PSMB7: variants seen among roughly 807,000 people sequenced by gnomAD.
PSMB7 encodes the protein proteasome subunit beta type-7.
In PSMB7, 5 loss-of-function variants were observed where a neutral mutation model predicts 28.1. That is an observed-to-expected ratio of 0.18 (90% CI 0.09 to 0.37). The LOEUF (loss-of-function observed/expected upper bound fraction) is 0.37, where lower values mean the gene tolerates loss of function less well. PSMB7 is among the 10% of genes least tolerant of loss of function. The probability of loss-of-function intolerance (pLI) is 1.00; values close to 1 mark genes in which losing one functional copy is unlikely to be tolerated. For synonymous variants in PSMB7, 122 were observed against 123.7 expected (o/e 0.99, Z 0.09); for missense variants, 275 against 346.2 (o/e 0.79, Z 1.63).
At chr9:124,380,728 T>C (rs1178590266) in intron 6 of PSMB7, among the ~76,000 whole-genome samples, 1 of 152,114 alleles carries the variant, frequency 6.6e-6, no homozygotes, top group Admixed American at 6.5e-5. Context: ...TTCATTTGAG[T>C]GCCAAAACCC....
At chr9:124,389,554 C>A (rs1239307224) in intron 5 of PSMB7, among the ~76,000 whole-genome samples, 1 of 152,196 alleles carries the variant, frequency 6.6e-6, no homozygotes, top group African/African-American at 2.4e-5. Context: ...CACCTACACA[C>A]CCTGTTCAAC....
At chr9:124,358,222 C>G (rs1830433095) in intron 6 of PSMB7, among the ~76,000 whole-genome samples, 1 of 152,204 alleles carries the variant, frequency 6.6e-6, no homozygotes, top group South Asian at 2.1e-4. Context: ...TTCAGAAGAT[C>G]TGAACCCACT....
At chr9:124,405,200 G>C in intron 5 of PSMB7, 117 bp downstream of exon 5, 1 of 679,278 alleles carries the variant, frequency 1.5e-6, no homozygotes, top group Non-Finnish European at 2.5e-6. Context: ...TATATTTGCT[G>C]AATGAATCAA....
chr9:124,398,821 G>A (rs1313257745), intron 5 of PSMB7, among the ~76,000 whole-genome samples: 3 of 152,118 alleles, frequency 2.0e-5, no homozygotes, highest in Admixed American at 2.0e-4. Flanking sequence ...TGTCACTTAT[G>A]GGGCTGAGTG....
chr9:124,381,978 A>G (rs2416923), intron 6 of PSMB7, among the ~76,000 whole-genome samples: 149,213 of 151,970 alleles, frequency 0.98, 73,308 homozygotes, highest in East Asian at 1. Flanking sequence ...AGTGATTTTC[A>G]GCCGGGCATG....
chr9:124,387,182 T>C (rs1354354564), intron 5 of PSMB7, among the ~76,000 whole-genome samples: 3 of 151,300 alleles, frequency 2.0e-5, no homozygotes, highest in African/African-American at 4.9e-5. Context: ...GGAGGCAGAG[T>C]TTGCAGTGAG....
At chr9:124,395,443 T>TA in intron 5 of PSMB7, among the ~76,000 whole-genome samples, 1 of 152,096 alleles carries the variant, frequency 6.6e-6, no homozygotes, top group Non-Finnish European at 1.5e-5. Context: ...CAATGAGCTA[T>TA]AATCACACCA....
chr9:124,366,249 C>T (rs943818314), intron 6 of PSMB7, among the ~76,000 whole-genome samples: 3 of 152,118 alleles, frequency 2.0e-5, no homozygotes, highest in African/African-American at 7.2e-5. Flanking sequence ...CCCATCTCTA[C>T]TAAAAATACA....
At chr9:124,412,219 A>G (rs1831035000) in intron 4 of PSMB7, 133 bp downstream of exon 4, 4 of 982,296 alleles carry the variant, frequency 4.1e-6, no homozygotes, top group South Asian at 3.4e-5. Context: ...GCTCTTTAAT[A>G]TAACAACTGA....
At chr9:124,391,806 C>T (rs1397539999) in intron 5 of PSMB7, among the ~76,000 whole-genome samples, 1 of 151,974 alleles carries the variant, frequency 6.6e-6, no homozygotes, top group Non-Finnish European at 1.5e-5. Flanking sequence ...CTAGATATTG[C>T]TTTTACTTGT....
chr9:124,414,634 G>GA (rs1344864222), intron 2 of PSMB7, among the ~76,000 whole-genome samples: 1 of 148,788 alleles, frequency 6.7e-6, no homozygotes, highest in Non-Finnish European at 1.5e-5. Flanking sequence ...AAGAAAGAAA[G>GA]AAAAAACCTC....
At chr9:124,406,874 T>C (rs1830971315) in intron 4 of PSMB7, among the ~76,000 whole-genome samples, 1 of 151,946 alleles carries the variant, frequency 6.6e-6, no homozygotes, top group South Asian at 2.1e-4. Flanking sequence ...ATGTTACTCC[T>C]AACGTGGGAG....
Position 124,358,660 on chromosome 9 carries a change from G to A in PSMB7, c.571-1745C>T, listed in dbSNP as rs182372766. ...AGCAAACACAACCTCATACCTAACCGCTTCCCTTTAAATGGCCTTCGGTGT... is the reference window on the plus strand; with the variant it reads ...AGCAAACACAACCTCATACCTAACCACTTCCCTTTAAATGGCCTTCGGTGT... On this transcript the variant is annotated intron_variant, in intron 6 of 7. Transcript: ENST00000259457. Among the ~76,000 whole-genome samples the A allele has an allele frequency of 1.4e-3, 214 of 152,300 alleles. 2 individuals are homozygous for A. Among genetic ancestry groups the A allele is most frequent in the Middle Eastern group, 6.8e-3 (2 of 294 alleles).
intron 6 of PSMB7, among the ~76,000 whole-genome samples, chr9:124,358,443 T>C (rs1339113506): frequency 6.6e-6 from 1 of 152,210 alleles, no homozygotes; most frequent in African/African-American, 2.4e-5. Flanking sequence ...TCTTCTTTTG[T>C]ACATATGCAG....
At chr9:124,411,111 G>T (rs1831023573) in intron 4 of PSMB7, among the ~76,000 whole-genome samples, 1 of 152,078 alleles carries the variant, frequency 6.6e-6, no homozygotes, top group Non-Finnish European at 1.5e-5. Context: ...AAGTAGCTGG[G>T]ATTACAGGCA....
rs1830411025 is a variant in PSMB7, at chr9:124,356,684, CTCCA to C, written c.722+76_722+79del. ...CTTAATGTGGAAAGAACCAGGAAAA[CTCCA>C]TCCAGATGCCATGGAGATACCAAGG... is the stretch of plus-strand genomic sequence containing the variant. On this transcript the variant is annotated intron_variant, in intron 7 of 7. Coordinates refer to ENST00000259457, the MANE Select transcript of PSMB7 (RefSeq NM_002799.4). The surrounding 1 kb of genome is among the most constrained non-coding windows in gnomAD (Gnocchi z 4.4). 6.8e-7 allele frequency: 1 copy of C among 1,467,578 alleles called. No homozygotes were observed. The highest frequency in any genetic ancestry group is 9.3e-7 in the Non-Finnish European group (1 of 1,076,866). 90.9% of individuals were successfully genotyped at this position (1,467,578 alleles called of 1,614,324 possible).
rs898030814 is a variant in PSMB7, at chr9:124,380,082, T to A, written c.570+4516A>T. Among the ~76,000 whole-genome samples the A allele has an allele frequency of 3.9e-5, 6 of 152,148 alleles. No individual in the cohort carries two copies. The South Asian group carries it at 1.2e-3, about 32-fold the overall frequency. Reference sequence around the variant, plus strand: ...AGTGCAGCACAGGGACACAAATAAATGAAGCAGCAACAGGGTACTGCTGGT... The same window carrying A: ...AGTGCAGCACAGGGACACAAATAAAAGAAGCAGCAACAGGGTACTGCTGGT... On this transcript the variant is annotated intron_variant, in intron 6 of 7. Coordinates refer to ENST00000259457, the MANE Select transcript of PSMB7 (RefSeq NM_002799.4).
At position 124,366,001 on chromosome 9, in the gene PSMB7, G is replaced by A. The variant is rs563593994; in HGVS notation, c.571-9086C>T. Among the ~76,000 whole-genome samples the A allele has an allele frequency of 5.3e-5, 8 of 152,318 alleles. 1 individual carries two copies. The highest frequency in any genetic ancestry group is 3.9e-4 in the East Asian group (2 of 5,188). On this transcript the variant is annotated intron_variant, in intron 6 of 7. Coordinates refer to ENST00000259457, the MANE Select transcript of PSMB7 (RefSeq NM_002799.4). ...GAGGTAAGATGTGGACGCAAAAGACGGTGATACTGATGGCCCTGGCCCTGC... is the reference window on the plus strand; with the variant it reads ...GAGGTAAGATGTGGACGCAAAAGACAGTGATACTGATGGCCCTGGCCCTGC...
intron 5 of PSMB7, among the ~76,000 whole-genome samples, chr9:124,403,852 C>T (rs1158417205): frequency 6.6e-6 from 1 of 151,540 alleles, no homozygotes; most frequent in Non-Finnish European, 1.5e-5. Flanking sequence ...GAATTCTACT[C>T]AAATCTCACC....
Sources: gnomAD v4.1 joint callset for allele counts (sites outside exome capture counted in the v4.1 genomes callset) on GRCh38, gnomAD v4.1.1 for gene constraint, Gnocchi (gnomAD v3.1) non-coding constraint, MANE v1.5 for transcripts, NCBI Gene and HGNC (gene_info 2026-07-23, HGNC 2026-07-21) for gene names.